The following CCDC66 variants were observed in gnomAD, a reference collection of about 807,000 sequenced individuals.
CCDC66 encodes coiled-coil domain-containing protein 66.
CCDC66 carries 133 observed loss-of-function variants against 128.3 expected under a neutral mutation model. That is an observed-to-expected ratio of 1.04 (90% CI 0.90 to 1.20). CCDC66 has a LOEUF of 1.20. Ranked by LOEUF, CCDC66 falls within the 50% of genes most tolerant of loss-of-function variation. CCDC66 has a pLI of 0.00. For synonymous variants in CCDC66, 387 were observed against 357.0 expected (o/e 1.08, Z -0.95); for missense variants, 1,126 against 1,075.5 (o/e 1.05, Z -0.66).
intron 7 of CCDC66, among the ~76,000 whole-genome samples, chr3:56,575,722 A>G (rs2067265790): frequency 6.6e-6 from 1 of 151,788 alleles, no homozygotes; most frequent in Admixed American, 6.6e-5. Flanking sequence ...TCTTATGTTT[A>G]GGTCTTTGAT....
At chr3:56,613,559 A>G (rs1364970639) in intron 10 of CCDC66, 30 bp from the exon 11 acceptor site, 6 of 1,596,410 alleles carry the variant, frequency 3.8e-6, no homozygotes, top group Admixed American at 1.8e-5. Flanking sequence ...TTTATTTTTG[A>G]CAATGATTTA....
chr3:56,588,390 A>T (rs1332693095), intron 7 of CCDC66, among the ~76,000 whole-genome samples: 2 of 152,122 alleles, frequency 1.3e-5, no homozygotes. Context: ...AGAATCTCAC[A>T]GATCACCACT....
Position 56,617,325 on chromosome 3 carries a change from G to T in CCDC66, c.2057G>T (p.Arg686Ile), listed in dbSNP as rs771523631. The change falls in exon 14 of 18, where the codon AGA (arginine) becomes ATA (isoleucine). Residue 686 changes from arginine (R) to isoleucine (I), a missense_variant. Arg to Ile is a moderately conservative substitution (Grantham distance 97, BLOSUM62 -3). Coordinates refer to ENST00000394672, the MANE Select transcript of CCDC66 (RefSeq NM_001141947.3). The part of the protein sequence containing the change: ...RCNDQCNQFT[R>I]IEKQTKHMKK... ...AATGACCAGTGTAATCAGTTCACAA[G>T]AATAGAGAAACAAACAAAACACATG... The T allele has an allele frequency of 2.6e-5, 42 of 1,612,394 alleles. No homozygotes were observed. Among genetic ancestry groups the T allele is most frequent in the Non-Finnish European group, 3.4e-5 (40 of 1,179,690 alleles).
chr3:56,587,244 A>G lies in CCDC66; in HGVS notation c.937-5726A>G, dbSNP rs988080358. ...GTGAGAATTAATAATTTATTAGGCT[A>G]TAAAAGTCTCAACAAATTTCATAGG... On this transcript the variant is annotated intron_variant, in intron 7 of 17. Coordinates refer to ENST00000394672, the MANE Select transcript of CCDC66 (RefSeq NM_001141947.3). Among the ~76,000 whole-genome samples, 2 of 152,098 alleles carry G rather than the reference A, an allele frequency of 1.3e-5. 1 individual carries two copies. The highest frequency in any genetic ancestry group is 3.9e-4 in the East Asian group (2 of 5,096).
At chr3:56,571,859 C>T (rs71309964) in intron 7 of CCDC66, among the ~76,000 whole-genome samples, 4,844 of 152,150 alleles carry the variant, frequency 0.032, 106 homozygotes, top group Middle Eastern at 0.078. Context: ...GCTGGTACTA[C>T]AGGTGTACTC....
chr3:56,571,304 T>G lies in CCDC66; in HGVS notation c.936+2T>G. 1 of 1,486,528 alleles carries G rather than the reference T, an allele frequency of 6.7e-7. No individual in the cohort carries two copies. The highest frequency in any genetic ancestry group is 9.2e-7 in the Non-Finnish European group (1 of 1,088,208). 92.1% of individuals were successfully genotyped at this position (1,486,528 alleles called of 1,614,324 possible). On this transcript the variant is annotated splice_donor_variant, in intron 7 of 17. Coordinates refer to ENST00000394672, the MANE Select transcript of CCDC66 (RefSeq NM_001141947.3). LOFTEE classifies it high-confidence loss of function. ...CATCAAATTCTTGACCAATCTAGGGTAAGACATCTTAATTGCAATTTTTAA... is the reference window on the plus strand; with the variant it reads ...CATCAAATTCTTGACCAATCTAGGGGAAGACATCTTAATTGCAATTTTTAA...
At chr3:56,592,932 G>T (rs200915722) in intron 7 of CCDC66, 38 bp from the exon 8 acceptor site, 94 of 1,592,712 alleles carry the variant, frequency 5.9e-5, no homozygotes, top group Non-Finnish European at 7.7e-5. Flanking sequence ...TAGAAAAAGA[G>T]AACTGAACTT....
intron 7 of CCDC66, chr3:56,572,416 T>G: frequency 7.8e-7 from 1 of 1,287,616 alleles, no homozygotes. Flanking sequence ...TTAGAGCTAG[T>G]CAGACTTTAG....
intron 7 of CCDC66, among the ~76,000 whole-genome samples, chr3:56,582,391 G>A (rs1185142673): frequency 6.6e-6 from 1 of 151,720 alleles, no homozygotes; most frequent in African/African-American, 2.4e-5. Context: ...CCTGCTCCGT[G>A]GGCTGCACCC....
intron 10 of CCDC66, among the ~76,000 whole-genome samples, chr3:56,602,448 G>A (rs1403513545): frequency 6.6e-6 from 1 of 151,910 alleles, no homozygotes; most frequent in Non-Finnish European, 1.5e-5. Context: ...TGTTGTTGTT[G>A]TGTCTCTGCC....
At chr3:56,592,441 A>G (rs1019780336) in intron 7 of CCDC66, among the ~76,000 whole-genome samples, 1 of 151,838 alleles carries the variant, frequency 6.6e-6, no homozygotes, top group African/African-American at 2.4e-5. Context: ...GCTCACTACA[A>G]CCTCCACCTC....
chr3:56,596,512 TTGAATATTCAAACTAC>T (rs1457140202), intron 10 of CCDC66, among the ~76,000 whole-genome samples: 1 of 150,960 alleles, frequency 6.6e-6, no homozygotes, highest in East Asian at 1.9e-4. Context: ...ATGCAAGCTA[TTGAATATTCAAACTAC>T]TGAATATTCA....
chr3:56,574,204 A>T (rs1034660217), intron 7 of CCDC66, among the ~76,000 whole-genome samples: 1 of 151,516 alleles, frequency 6.6e-6, no homozygotes, highest in Non-Finnish European at 1.5e-5. Flanking sequence ...TCTGCTAAAA[A>T]TACAAAAATT....
chr3:56,569,865 A>T (rs141697411), intron 6 of CCDC66: 3,983 of 152,252 alleles, frequency 0.026, 96 homozygotes, highest in African/African-American at 0.062. Flanking sequence ...ACGGAGTTTC[A>T]TTCTTGTTGC....
intron 1 of CCDC66, chr3:56,558,623 C>T (rs2064690054): frequency 3.9e-6 from 2 of 514,654 alleles, no homozygotes; most frequent in Non-Finnish European, 7.0e-6. Context: ...TTAATGATAA[C>T]AATGCTTGTA....
intron 7 of CCDC66, among the ~76,000 whole-genome samples, chr3:56,582,430 C>T (rs1458879582): frequency 6.6e-6 from 1 of 151,890 alleles, no homozygotes; most frequent in African/African-American, 2.4e-5. Flanking sequence ...GTGAGATGAA[C>T]CTGGTACCTC....
chr3:56,572,530 G>T, intron 7 of CCDC66: 5 of 393,184 alleles, frequency 1.3e-5, no homozygotes, highest in South Asian at 2.7e-5. Context: ...CTTATTTTTA[G>T]TTATCAGTTA....
At chr3:56,578,666 T>A (rs1294750712) in intron 7 of CCDC66, among the ~76,000 whole-genome samples, 1 of 151,836 alleles carries the variant, frequency 6.6e-6, no homozygotes, top group African/African-American at 2.4e-5. Flanking sequence ...ATTGAGATAA[T>A]CATGTGGTTT....
At chr3:56,572,942 AT>A (rs2066840920) in intron 7 of CCDC66, 1 of 152,246 alleles carries the variant, frequency 6.6e-6, no homozygotes, top group African/African-American at 2.4e-5. Context: ...CTGGGTGATA[AT>A]TTTAAGTGTG....
Sources: allele counts gnomAD v4.1 joint callset (sites outside exome capture counted in the v4.1 genomes callset), GRCh38; gene constraint gnomAD v4.1.1; transcripts MANE v1.5; gene names NCBI Gene and HGNC (gene_info 2026-07-23, HGNC 2026-07-21).